TYW1B: variants seen among roughly 807,000 people sequenced by gnomAD.
TYW1B encodes tRNA-yW synthesizing protein 1 homolog B.
TYW1B carries 73 observed loss-of-function variants against 86.9 expected under a neutral mutation model. The ratio of observed to expected loss-of-function variants is 0.84; its 90% CI spans 0.70 to 1.02. The LOEUF is 1.02. TYW1B is among the 50% of genes least tolerant of loss of function. The pLI is 0.00. For missense variants in TYW1B, 637 were observed against 827.4 expected (o/e 0.77, Z 2.82); for synonymous variants, 248 against 292.8 (o/e 0.85, Z 1.56).
chr7:72,644,956 T>G (rs1450826817), intron 11 of TYW1B, among the ~76,000 whole-genome samples: 1 of 151,732 alleles, frequency 6.6e-6, no homozygotes, highest in Non-Finnish European at 1.5e-5. Flanking sequence ...GCCTCCCAAG[T>G]AGCTGGGACT....
intron 13 of TYW1B, among the ~76,000 whole-genome samples, chr7:72,608,666 G>A (rs1365627554): frequency 6.6e-6 from 1 of 152,198 alleles, no homozygotes; most frequent in Non-Finnish European, 1.5e-5. Flanking sequence ...ATACACGCAG[G>A]TTGAAGGGCA....
At chr7:72,750,255 G>A (rs980521048) in intron 7 of TYW1B, among the ~76,000 whole-genome samples, 1 of 152,096 alleles carries the variant, frequency 6.6e-6, no homozygotes, top group Non-Finnish European at 1.5e-5. Context: ...ATGTCTGCTA[G>A]CAACAAATTC....
intron 11 of TYW1B, among the ~76,000 whole-genome samples, chr7:72,679,901 G>A (rs1159852565): frequency 1.3e-5 from 2 of 152,168 alleles, no homozygotes; most frequent in Admixed American, 6.6e-5. Flanking sequence ...AGGCCAAAGC[G>A]AGAGGATCAC....
chr7:72,661,781 T>C (rs1478781181), intron 11 of TYW1B, among the ~76,000 whole-genome samples: 1 of 152,118 alleles, frequency 6.6e-6, no homozygotes, highest in Non-Finnish European at 1.5e-5. Context: ...GAAATGACTG[T>C]ATTCAAACTG....
At chr7:72,594,646 C>T (rs1811484091) in intron 13 of TYW1B, among the ~76,000 whole-genome samples, 1 of 152,148 alleles carries the variant, frequency 6.6e-6, no homozygotes, top group Non-Finnish European at 1.5e-5. Flanking sequence ...ATACTTTCAA[C>T]TCATTCAGTG....
intron 6 of TYW1B, among the ~76,000 whole-genome samples, chr7:72,791,811 G>A (rs1788224873): frequency 6.6e-6 from 1 of 152,050 alleles, no homozygotes; most frequent in Non-Finnish European, 1.5e-5. Flanking sequence ...GAACTTCCCA[G>A]GCATTGCCTT....
intron 11 of TYW1B, among the ~76,000 whole-genome samples, chr7:72,675,582 CATAT>C (rs1181894780): frequency 9.6e-5 from 14 of 145,812 alleles, no homozygotes; most frequent in Admixed American, 2.7e-4. Context: ...TACACACACA[CATAT>C]ATATATATAC....
chr7:72,671,327 G>A (rs1813596112), intron 11 of TYW1B, among the ~76,000 whole-genome samples: 2 of 152,050 alleles, frequency 1.3e-5, no homozygotes, highest in Non-Finnish European at 2.9e-5. Context: ...CAGACACTTG[G>A]GTCAAAACCA....
intron 6 of TYW1B, among the ~76,000 whole-genome samples, chr7:72,786,570 TTTC>T (rs1219716223): frequency 1.5e-5 from 2 of 130,978 alleles, no homozygotes; most frequent in Non-Finnish European, 3.2e-5. Context: ...TAAATTCTTT[TTTC>T]TTTTTTTTTT....
Position 72,738,730 on chromosome 7 carries a change from GT to G in TYW1B, c.1082+5753del, listed in dbSNP as rs557355490. ...ACCTAAGAGATACTTTTAGTGTTTT[GT>G]TTTTTGTTTGTTTTTACCACATCTC... On this transcript the variant is annotated intron_variant, in intron 8 of 13. Transcript: ENST00000620995. Among the ~76,000 whole-genome samples, 339 of 152,096 alleles carry G rather than the reference GT, an allele frequency of 2.2e-3. 2 individuals carry two copies. Among genetic ancestry groups the G allele is most frequent in the African/African-American group, 7.6e-3 (314 of 41,498 alleles).
chr7:72,659,145 A>T (rs782115095), intron 11 of TYW1B, among the ~76,000 whole-genome samples: 2 of 152,218 alleles, frequency 1.3e-5, no homozygotes, highest in Non-Finnish European at 2.9e-5. Flanking sequence ...ATGTGACAAG[A>T]ACAGAAAAAT....
intron 11 of TYW1B, among the ~76,000 whole-genome samples, chr7:72,676,266 C>T (rs112267548): frequency 0.19 from 29,096 of 152,034 alleles, 3,044 homozygotes; most frequent in African/African-American, 0.27. Flanking sequence ...ACAATATCTA[C>T]GACTCATATA....
chr7:72,621,683 C>A (rs1217318850), intron 12 of TYW1B, among the ~76,000 whole-genome samples: 1 of 152,222 alleles, frequency 6.6e-6, no homozygotes, highest in Admixed American at 6.5e-5. Context: ...GGGGCTGTGC[C>A]TTGCTCTTCT....
intron 7 of TYW1B, among the ~76,000 whole-genome samples, chr7:72,752,693 C>T (rs1431413120): frequency 1.3e-5 from 2 of 151,884 alleles, no homozygotes; most frequent in Admixed American, 6.6e-5. Flanking sequence ...ATTGCACCAC[C>T]GCACTCCAGC....
chr7:72,580,586 C>CA (rs1166750116), intron 13 of TYW1B, among the ~76,000 whole-genome samples: 1 of 152,158 alleles, frequency 6.6e-6, no homozygotes, highest in African/African-American at 2.4e-5. Context: ...TGCAGGCTCC[C>CA]ACTCTCTGCA....
At chr7:72,659,534 T>C (rs1246576054) in intron 11 of TYW1B, among the ~76,000 whole-genome samples, 3 of 152,116 alleles carry the variant, frequency 2.0e-5, no homozygotes, top group East Asian at 1.9e-4. Context: ...GCCGAGATCA[T>C]GCCACTGCAC....
In TYW1B at chr7:72,796,822, C is replaced by T. The variant is rs547632643; in HGVS notation, c.846+5578G>A. 8.8e-4 allele frequency among the ~76,000 whole-genome samples: 133 copies of T among 151,292 alleles called. 1 individual carries two copies. The highest frequency in any genetic ancestry group is 1.3e-3 in the Non-Finnish European group (87 of 67,820). Reference sequence around the variant, plus strand: ...AGTACATTGATTATTTCTGGGTCTGCGGCACAATAAAGAATATATCTGGGC... The same window carrying T: ...AGTACATTGATTATTTCTGGGTCTGTGGCACAATAAAGAATATATCTGGGC... On this transcript the variant is annotated intron_variant, in intron 6 of 13. Coordinates refer to ENST00000620995, the MANE Select transcript of TYW1B (RefSeq NM_001145440.3).
chr7:72,819,132 C>T (rs1169034785), intron 2 of TYW1B, among the ~76,000 whole-genome samples: 1 of 151,896 alleles, frequency 6.6e-6, no homozygotes, highest in East Asian at 1.9e-4. Context: ...TGCAAAGGCC[C>T]AGTGGAGGTT....
At chr7:72,751,140 C>G (rs921274836) in intron 7 of TYW1B, among the ~76,000 whole-genome samples, 4 of 151,734 alleles carry the variant, frequency 2.6e-5, no homozygotes, top group Non-Finnish European at 1.5e-5. Context: ...TGGGTTCAAG[C>G]AATTCTCCTA....
Sources: gnomAD v4.1 joint callset for allele counts (sites outside exome capture counted in the v4.1 genomes callset) on GRCh38, gnomAD v4.1.1 for gene constraint, MANE v1.5 for transcripts, NCBI Gene and HGNC (gene_info 2026-07-23, HGNC 2026-07-21) for gene names.